The following ABHD12 variants were observed in gnomAD, a reference collection of about 807,000 sequenced individuals.
The protein encoded by ABHD12 is lysophosphatidylserine lipase ABHD12.
In ABHD12, 43 loss-of-function variants were observed where a neutral mutation model predicts 58.3. The ratio of observed to expected loss-of-function variants is 0.74; its 90% CI spans 0.58 to 0.95. The LOEUF is 0.95. Among genes scored for constraint, ABHD12 ranks in the 40% least tolerant of loss-of-function variants. The probability of loss-of-function intolerance (pLI) is 0.00; values close to 1 mark genes in which losing one functional copy is unlikely to be tolerated. For synonymous variants in ABHD12, 219 were observed against 211.2 expected (o/e 1.04, Z -0.32); for missense variants, 539 against 537.2 (o/e 1.00, Z -0.03).
chr20:25,389,018 C>T (rs2090133863), intron 1 of ABHD12, among the ~76,000 whole-genome samples: 1 of 151,994 alleles, frequency 6.6e-6, no homozygotes, highest in Admixed American at 6.6e-5. Context: ...GTTGGTCAAG[C>T]TGGTCTCGAA....
At chr20:25,345,474 G>A (rs1353753291) in intron 1 of ABHD12, among the ~76,000 whole-genome samples, 1 of 152,142 alleles carries the variant, frequency 6.6e-6, no homozygotes, top group Non-Finnish European at 1.5e-5. Context: ...GAAATCTTCT[G>A]CTCTGTAAAA....
chr20:25,307,923 T>C (rs370259926), intron 9 of ABHD12, 43 bp downstream of exon 9: 6 of 1,027,264 alleles, frequency 5.8e-6, no homozygotes, highest in Non-Finnish European at 9.0e-6. Context: ...CTATAATTTA[T>C]CTTAATAATG....
intron 7 of ABHD12, 47 bp from the exon 8 acceptor site, chr20:25,308,541 T>G (rs756232640): frequency 2.2e-5 from 34 of 1,573,572 alleles, no homozygotes; most frequent in Non-Finnish European, 2.7e-5. Context: ...TAAAATTGTT[T>G]GAGATGATAT....
At chr20:25,351,034 C>T (rs949954753) in intron 1 of ABHD12, among the ~76,000 whole-genome samples, 1 of 151,066 alleles carries the variant, frequency 6.6e-6, no homozygotes, top group African/African-American at 2.4e-5. Flanking sequence ...GTATATAAAC[C>T]TTCACCTCTT....
chr20:25,362,458 T>G (rs1039561243), intron 1 of ABHD12, among the ~76,000 whole-genome samples: 1 of 150,998 alleles, frequency 6.6e-6, no homozygotes, highest in African/African-American at 2.4e-5. Flanking sequence ...TCCTATCTAC[T>G]CGGGAGGCTG....
intron 1 of ABHD12, among the ~76,000 whole-genome samples, chr20:25,345,810 CA>C (rs2089510303): frequency 6.6e-6 from 1 of 152,138 alleles, no homozygotes; most frequent in South Asian, 2.1e-4. Flanking sequence ...TGTGGAGCAA[CA>C]GGAATTCTCA....
At chr20:25,299,370 A>T (rs1248687779), downstream of ABHD12, among the ~76,000 whole-genome samples, 1 of 152,182 alleles carries the variant, frequency 6.6e-6, no homozygotes, top group East Asian at 1.9e-4. Flanking sequence ...ACTGCACTCC[A>T]GCCTGGGCAA....
rs576502975 is a variant in ABHD12, at chr20:25,314,267, T to G, written c.619+658A>C. ...GGATTACAGGTGTGAACCACCATGCTCAGCCTCTCTTAACACTTCTTACTG... is the reference window on the plus strand; with the variant it reads ...GGATTACAGGTGTGAACCACCATGCGCAGCCTCTCTTAACACTTCTTACTG... On this transcript the variant is annotated intron_variant, in intron 6 of 12. Transcript: ENST00000339157. Among the ~76,000 whole-genome samples, 5 of 152,274 alleles carry G rather than the reference T, an allele frequency of 3.3e-5. No individual in the cohort carries two copies. In the South Asian group the frequency reaches 1.0e-3, roughly 32 times the overall value.
At chr20:25,330,221 G>A (rs187905046) in intron 2 of ABHD12, among the ~76,000 whole-genome samples, 142 of 152,346 alleles carry the variant, frequency 9.3e-4, no homozygotes, top group Admixed American at 3.7e-3. Flanking sequence ...CTGGAAAATC[G>A]GGTCACTCCC....
intron 5 of ABHD12, among the ~76,000 whole-genome samples, chr20:25,316,688 C>T (rs1183399565): frequency 1.3e-5 from 2 of 152,172 alleles, no homozygotes; most frequent in African/African-American, 4.8e-5. Context: ...CCTGTCATCC[C>T]AACACTTTGG....
At chr20:25,314,239 CT>C (rs2088918832) in intron 6 of ABHD12, among the ~76,000 whole-genome samples, 1 of 152,214 alleles carries the variant, frequency 6.6e-6, no homozygotes, top group African/African-American at 2.4e-5. Flanking sequence ...TCCCAAAGTG[CT>C]GGGATTACAG....
intron 5 of ABHD12, among the ~76,000 whole-genome samples, chr20:25,315,930 T>C (rs754950509): frequency 3.3e-5 from 5 of 152,138 alleles, no homozygotes; most frequent in Non-Finnish European, 5.9e-5. Flanking sequence ...GTTTCAACAG[T>C]ATCTCTTGGG....
chr20:25,348,361 A>G (rs2089548812), intron 1 of ABHD12, among the ~76,000 whole-genome samples: 2 of 152,014 alleles, frequency 1.3e-5, no homozygotes, highest in South Asian at 4.1e-4. Flanking sequence ...ATGGCCATAG[A>G]AGAGATTTTT....
intron 1 of ABHD12, among the ~76,000 whole-genome samples, chr20:25,366,928 C>G (rs1421815416): frequency 6.6e-6 from 1 of 152,120 alleles, no homozygotes; most frequent in Admixed American, 6.5e-5. Flanking sequence ...TCTTCTTTTT[C>G]CAGAGGCTCA....
At chr20:25,370,143 C>T (rs1004510908) in intron 1 of ABHD12, among the ~76,000 whole-genome samples, 1 of 152,112 alleles carries the variant, frequency 6.6e-6, no homozygotes, top group African/African-American at 2.4e-5. Flanking sequence ...GCTTTCAATG[C>T]CTTGGGGCGC....
intron 1 of ABHD12, among the ~76,000 whole-genome samples, chr20:25,374,007 T>A (rs1295986041): frequency 1.3e-5 from 2 of 152,250 alleles, no homozygotes; most frequent in Admixed American, 1.3e-4. Flanking sequence ...TCATGCAGTC[T>A]TGACCTCCCA....
At chr20:25,299,930 A>AG (rs1268309231), downstream of ABHD12, among the ~76,000 whole-genome samples, 2 of 152,156 alleles carry the variant, frequency 1.3e-5, no homozygotes, top group African/African-American at 4.8e-5. Context: ...GAACCGCTAT[A>AG]GGTAGCTCAG....
downstream of ABHD12, chr20:25,295,650 C>T: frequency 6.2e-7 from 1 of 1,614,042 alleles, no homozygotes; most frequent in Non-Finnish European, 8.5e-7. Context: ...GTGCCAGGCA[C>T]AGGTGGACCA....
At chr20:25,313,993 AC>A (rs1391583389) in intron 6 of ABHD12, among the ~76,000 whole-genome samples, 1 of 134,932 alleles carries the variant, frequency 7.4e-6, no homozygotes, top group East Asian at 2.0e-4. Context: ...TTTTTTTTTG[AC>A]ATGGAGTCTT....
Sources: allele counts gnomAD v4.1 joint callset (sites outside exome capture counted in the v4.1 genomes callset), GRCh38; gene constraint gnomAD v4.1.1; transcripts MANE v1.5; gene names NCBI Gene and HGNC (gene_info 2026-07-23, HGNC 2026-07-21).